Variants in TASP1 observed in about 807,000 individuals in gnomAD.
The protein encoded by TASP1 is threonine aspartase 1.
In TASP1, 16 loss-of-function variants were observed where a neutral mutation model predicts 56.6. That is an observed-to-expected ratio of 0.28 (90% CI 0.19 to 0.43). TASP1 has a LOEUF of 0.43. Among genes scored for constraint, TASP1 ranks in the 20% least tolerant of loss-of-function variants. The probability of loss-of-function intolerance (pLI) is 1.00; values close to 1 mark genes in which losing one functional copy is unlikely to be tolerated. For missense variants in TASP1, 393 were observed against 511.6 expected (o/e 0.77, Z 2.24); for synonymous variants, 179 against 184.2 (o/e 0.97, Z 0.23).
At chr20:13,166,006 G>C in the TASP1 span, 19 of 152,586 alleles carry the variant, frequency 1.2e-4, no homozygotes, top group Admixed American at 9.8e-4. Context: ...AACCTCTATG[G>C]AAAAGTAGCC....
chr20:13,307,325 G>A, the TASP1 span, among the ~76,000 whole-genome samples: 973 of 152,176 alleles, frequency 6.4e-3, 9 homozygotes, highest in Non-Finnish European at 0.011. Context: ...AAGCACACAC[G>A]TATCATAAGT....
intron 2 of TASP1, among the ~76,000 whole-genome samples, chr20:13,628,799 A>G (rs1291553800): frequency 1.3e-5 from 2 of 152,206 alleles, no homozygotes; most frequent in African/African-American, 4.8e-5. Context: ...GCCAAAGGAA[A>G]AAGAGCCTGC....
chr20:13,121,371 C>A, the TASP1 span, among the ~76,000 whole-genome samples: 1 of 152,174 alleles, frequency 6.6e-6, no homozygotes, highest in African/African-American at 2.4e-5. Context: ...GTGAGCTCTG[C>A]CCTGCACACT....
chr20:13,625,585 G>A (rs534076168), intron 2 of TASP1, among the ~76,000 whole-genome samples: 52 of 152,272 alleles, frequency 3.4e-4, no homozygotes, highest in African/African-American at 1.2e-3. Context: ...AGAAGGTGTC[G>A]GGGACAGGGT....
chr20:13,315,165 T>G, the TASP1 span, among the ~76,000 whole-genome samples: 6 of 152,022 alleles, frequency 3.9e-5, no homozygotes, highest in Non-Finnish European at 7.4e-5. Flanking sequence ...TAAAAAATAG[T>G]AATAAATATG....
chr20:13,253,438 T>C, the TASP1 span, among the ~76,000 whole-genome samples: 28,792 of 152,148 alleles, frequency 0.19, 2,828 homozygotes, highest in East Asian at 0.25. Flanking sequence ...AAAAGTGCAC[T>C]CTTTGAGAGC....
intron 11 of TASP1, among the ~76,000 whole-genome samples, chr20:13,465,178 CAAAAAAAAAA>C (rs771255579): frequency 0.092 from 5,286 of 57,278 alleles, 137 homozygotes; most frequent in Middle Eastern, 0.17. Flanking sequence ...TTCTCTCTCC[CAAAAAAAAAA>C]AAAAAAAAAA....
chr20:13,213,910 A>G, the TASP1 span, among the ~76,000 whole-genome samples: 70,608 of 151,922 alleles, frequency 0.46, 17,786 homozygotes, highest in African/African-American at 0.68. Flanking sequence ...AAATCAGCTG[A>G]CCTAGGCTTT....
chr20:13,165,810 G>C, the TASP1 span: 3 of 152,168 alleles, frequency 2.0e-5, no homozygotes, highest in Non-Finnish European at 4.4e-5. Flanking sequence ...ATTGATTCAA[G>C]AAGGACATTT....
At chr20:13,500,093 C>A (rs1164611481) in intron 10 of TASP1, among the ~76,000 whole-genome samples, 1 of 151,318 alleles carries the variant, frequency 6.6e-6, no homozygotes, top group Non-Finnish European at 1.5e-5. Context: ...GTGACATATC[C>A]ATGTAACAAA....
the TASP1 span, among the ~76,000 whole-genome samples, chr20:13,319,073 C>G: frequency 9.9e-5 from 15 of 152,124 alleles, no homozygotes; most frequent in African/African-American, 3.6e-4. Context: ...ATGCATGACT[C>G]TAGTGGAAGA....
chr20:13,198,876 T>C, the TASP1 span, among the ~76,000 whole-genome samples: 1 of 148,008 alleles, frequency 6.8e-6, no homozygotes, highest in Non-Finnish European at 1.5e-5. Context: ...CCTTCCTTCT[T>C]TCCTTCCTTC....
chr20:13,336,608 G>A, the TASP1 span, among the ~76,000 whole-genome samples: 1 of 152,182 alleles, frequency 6.6e-6, no homozygotes, highest in Non-Finnish European at 1.5e-5. Context: ...CATCATGAAA[G>A]TTTGAGAGAG....
At chr20:13,475,073 G>A (rs560558003) in intron 11 of TASP1, among the ~76,000 whole-genome samples, 50 of 152,056 alleles carry the variant, frequency 3.3e-4, no homozygotes, top group Middle Eastern at 6.8e-3. Flanking sequence ...TAAACAACTT[G>A]GAAAAGTAAT....
chr20:13,400,609 T>C lies in TASP1; in HGVS notation c.1171-10157A>G, dbSNP rs151243507. The stretch of plus-strand genomic sequence containing the variant: ...AAGTTTCATTTTATCGCTTCAACAT[T>C]GCAGCAGACAGTGCAGTCCAAACAT... On this transcript the variant is annotated intron_variant, in intron 13 of 13. Transcript: ENST00000337743. Among the ~76,000 whole-genome samples, 172 of 152,356 alleles carry C rather than the reference T, an allele frequency of 1.1e-3. 1 individual carries two copies. Among genetic ancestry groups the C allele is most frequent in the Middle Eastern group, 3.4e-3 (1 of 294 alleles).
chr20:13,245,397 C>CA, the TASP1 span: 1 of 152,208 alleles, frequency 6.6e-6, no homozygotes, highest in Non-Finnish European at 1.5e-5. Context: ...ATGAGCAAGA[C>CA]AAAATCCACA....
chr20:13,602,282 C>T (rs1004408531), intron 4 of TASP1, among the ~76,000 whole-genome samples: 2 of 151,894 alleles, frequency 1.3e-5, no homozygotes, highest in Non-Finnish European at 2.9e-5. Flanking sequence ...GTTATGGTCA[C>T]AAAAAACAAG....
intron 6 of TASP1, 26 bp downstream of exon 6, chr20:13,580,871 A>G (rs780006701): frequency 1.2e-6 from 2 of 1,611,864 alleles, no homozygotes; most frequent in Admixed American, 3.3e-5. Context: ...AAAGACAGGG[A>G]AAGTCAGGAA....
At chr20:13,635,861 G>A (rs999096010) in intron 1 of TASP1, among the ~76,000 whole-genome samples, 5 of 152,068 alleles carry the variant, frequency 3.3e-5, no homozygotes, top group Non-Finnish European at 7.3e-5. Context: ...GACTTTCATG[G>A]CACTAATTTA....
Sources: gnomAD v4.1 joint callset for allele counts (sites outside exome capture counted in the v4.1 genomes callset) on GRCh38, gnomAD v4.1.1 for gene constraint, MANE v1.5 for transcripts, NCBI Gene and HGNC (gene_info 2026-07-23, HGNC 2026-07-21) for gene names.